ANKRD30A: variants seen among roughly 807,000 people sequenced by gnomAD.
ANKRD30A encodes ankyrin repeat domain-containing protein 30A.
ANKRD30A carries 170 observed loss-of-function variants against 166.3 expected under a neutral mutation model. The ratio of observed to expected loss-of-function variants is 1.02; its 90% CI spans 0.90 to 1.16. ANKRD30A has a LOEUF of 1.16. Ranked by LOEUF, ANKRD30A falls within the 50% of genes most tolerant of loss-of-function variation. The pLI, the probability that ANKRD30A is intolerant of heterozygous loss-of-function variation, is 0.00. For missense variants in ANKRD30A, 1,630 were observed against 1,518.0 expected, an observed-to-expected ratio of 1.07 and a Z score of -1.23; for synonymous variants, 564 against 508.9, an observed-to-expected ratio of 1.11 and a Z score of -1.46.
At chr10:37,209,674 A>C (rs1020131296) in intron 31 of ANKRD30A, among the ~76,000 whole-genome samples, 6 of 152,082 alleles carry the variant, frequency 3.9e-5, no homozygotes, top group Non-Finnish European at 7.4e-5. Flanking sequence ...GTTTAGAATT[A>C]TACCTCTTTT....
At chr10:37,210,481 C>T (rs1357344376) in intron 31 of ANKRD30A, among the ~76,000 whole-genome samples, 1 of 152,006 alleles carries the variant, frequency 6.6e-6, no homozygotes, top group African/African-American at 2.4e-5. Flanking sequence ...GGTATATAAC[C>T]AGTAATGGGA....
intron 13 of ANKRD30A, among the ~76,000 whole-genome samples, chr10:37,157,141 A>G (rs897789470): frequency 2.0e-5 from 3 of 152,220 alleles, no homozygotes; most frequent in Non-Finnish European, 2.9e-5. Context: ...TTCTATCTCA[A>G]TGAAATGTCT....
intron 1 of ANKRD30A, among the ~76,000 whole-genome samples, 156 bp downstream of exon 1, chr10:37,126,164 CCTT>C (rs1299393037): frequency 2.0e-5 from 3 of 152,254 alleles, no homozygotes; most frequent in East Asian, 3.9e-4. Context: ...CGGGTCTAGG[CCTT>C]CTTCCTGGGC....
intron 15 of ANKRD30A, among the ~76,000 whole-genome samples, chr10:37,160,373 T>C (rs1838756611): frequency 6.6e-6 from 1 of 152,196 alleles, no homozygotes; most frequent in Non-Finnish European, 1.5e-5. Context: ...GTCATGAGTC[T>C]GAAAAATTTT....
chr10:37,143,216 C>T (rs1455400356), intron 7 of ANKRD30A, among the ~76,000 whole-genome samples: 1 of 152,162 alleles, frequency 6.6e-6, no homozygotes, highest in East Asian at 1.9e-4. Context: ...AATGCTTATG[C>T]ATAGGAAGCC....
rs560930371 is a variant in ANKRD30A at position 37,141,904 on chromosome 10, C to G, written c.1007C>G (p.Ser336Cys). ...DEAASLVEGT[S>C]DKIQCLEKAT... ...GCTGCATCCTTGGTGGAGGGAACAT[C>G]TGACAAAATTCAATGTTTGGAGAAA... The change falls in exon 7 of 36, where the codon TCT (serine) becomes TGT (cysteine). Residue 336 changes from serine (S) to cysteine (C), a missense_variant. Transcript: ENST00000361713. 3 of 1,614,210 alleles carry G rather than the reference C, an allele frequency of 1.9e-6. No homozygotes were observed. The highest frequency in any genetic ancestry group is 4.5e-5 in the East Asian group (2 of 44,870).
chr10:37,200,328 A>T (rs1275630486), intron 30 of ANKRD30A, among the ~76,000 whole-genome samples: 3 of 152,076 alleles, frequency 2.0e-5, no homozygotes, highest in African/African-American at 7.2e-5. Flanking sequence ...GGAGTATAAT[A>T]ACAAGAGTAT....
chr10:37,125,766 T>C lies in ANKRD30A; in HGVS notation c.-22T>C. ...AAGGGCGATCGGGAGGCGCGGGCAC[T>C]CTCTAGCAGGTGGCCGCAGCCATGG... On this transcript the variant is annotated 5_prime_UTR_variant, in exon 1 of 36. Coordinates refer to ENST00000361713, the MANE Select transcript of ANKRD30A (RefSeq NM_052997.3). The C allele has an allele frequency of 3.3e-6, 2 of 609,536 alleles. No individual in the cohort carries two copies. The highest frequency in any genetic ancestry group is 5.9e-6 in the Non-Finnish European group (2 of 339,406). 37.8% of individuals were successfully genotyped at this position (609,536 alleles called of 1,614,324 possible).
the ANKRD30A span, among the ~76,000 whole-genome samples, chr10:37,242,977 C>A: frequency 6.6e-6 from 1 of 152,114 alleles, no homozygotes; most frequent in East Asian, 1.9e-4. Flanking sequence ...TCTTTGTATG[C>A]ACACATTTTG....
intron 7 of ANKRD30A, among the ~76,000 whole-genome samples, chr10:37,143,480 C>T (rs752777600): frequency 1.3e-5 from 2 of 152,048 alleles, no homozygotes; most frequent in Non-Finnish European, 2.9e-5. Flanking sequence ...ATGGTGAAAC[C>T]TCATCTTTAC....
chr10:37,225,988 C>A (rs376866130), intron 34 of ANKRD30A, among the ~76,000 whole-genome samples: 2 of 151,736 alleles, frequency 1.3e-5, no homozygotes, highest in African/African-American at 4.8e-5. Context: ...AGGGAACCAC[C>A]GATCTACTGT....
At chr10:37,264,591 C>T in the ANKRD30A span, 14 of 413,700 alleles carry the variant, frequency 3.4e-5, no homozygotes, top group African/African-American at 2.7e-4. Flanking sequence ...GGCATCTACT[C>T]AGCCATCTGG....
At chr10:37,259,159 A>T in the ANKRD30A span, among the ~76,000 whole-genome samples, 2 of 152,036 alleles carry the variant, frequency 1.3e-5, no homozygotes, top group Non-Finnish European at 2.9e-5. Flanking sequence ...AGGGAAGTTA[A>T]AGTGGGAGAA....
intron 9 of ANKRD30A, among the ~76,000 whole-genome samples, chr10:37,148,267 A>G (rs1837658269): frequency 6.6e-6 from 1 of 152,210 alleles, no homozygotes; most frequent in East Asian, 1.9e-4. Context: ...AAAGGATAAG[A>G]CAAAACAGGG....
At chr10:37,248,076 A>G in the ANKRD30A span, 53 of 468,332 alleles carry the variant, frequency 1.1e-4, no homozygotes, top group Admixed American at 4.3e-4. Flanking sequence ...AGCCATGTGA[A>G]TTGGAAGGGC....
intron 32 of ANKRD30A, among the ~76,000 whole-genome samples, chr10:37,216,684 T>C (rs1413477228): frequency 1.3e-5 from 2 of 151,332 alleles, no homozygotes; most frequent in Non-Finnish European, 3.0e-5. Context: ...TAACTTTCTG[T>C]ATTATAAATG....
At chr10:37,165,224 A>C in intron 18 of ANKRD30A, 69 bp downstream of exon 18, 1 of 1,438,198 alleles carries the variant, frequency 7.0e-7, no homozygotes, top group Non-Finnish European at 9.7e-7. Context: ...TCAGATGCTT[A>C]GTCTTTATTT....
chr10:37,143,468 A>G (rs1193616914), intron 7 of ANKRD30A, among the ~76,000 whole-genome samples: 2 of 152,160 alleles, frequency 1.3e-5, no homozygotes, highest in African/African-American at 4.8e-5. Context: ...AGTCTGGCCA[A>G]CATGGTGAAA....
chr10:37,189,870 T>C (rs2486125), intron 25 of ANKRD30A, among the ~76,000 whole-genome samples: 2,033 of 151,302 alleles, frequency 0.013, 36 homozygotes, highest in Non-Finnish European at 0.019. Flanking sequence ...ACAGAGAGTA[T>C]ATGAAGGAAC....
Sources: allele counts gnomAD v4.1 joint callset (sites outside exome capture counted in the v4.1 genomes callset), GRCh38; gene constraint gnomAD v4.1.1; transcripts MANE v1.5; gene names NCBI Gene and HGNC (gene_info 2026-07-23, HGNC 2026-07-21).